The following TMTC2 variants were observed in gnomAD, a reference collection of about 807,000 sequenced individuals.
TMTC2 encodes transmembrane O-mannosyltransferase targeting cadherins 2, also known as protein O-mannosyl-transferase TMTC2.
A neutral mutation model predicts 82.4 loss-of-function variants in TMTC2; 43 were observed. The ratio of observed to expected loss-of-function variants is 0.52; its 90% CI spans 0.41 to 0.67. The LOEUF is 0.67. Ranked by LOEUF, TMTC2 falls within the 30% of genes least tolerant of loss-of-function variation. The pLI is 0.00. For missense variants in TMTC2, 919 were observed against 1,012.4 expected (o/e 0.91, Z 1.25); for synonymous variants, 408 against 381.9 (o/e 1.07, Z -0.80).
chr12:82,889,227 AG>A (rs143325259), intron 2 of TMTC2, among the ~76,000 whole-genome samples: 2,409 of 151,574 alleles, frequency 0.016, 71 homozygotes, highest in African/African-American at 0.055. Flanking sequence ...CAGTGAGCCG[AG>A]ATCGTACCAT....
chr12:83,115,033 C>T (rs764234093), intron 11 of TMTC2, among the ~76,000 whole-genome samples: 3 of 151,972 alleles, frequency 2.0e-5, no homozygotes, highest in Non-Finnish European at 2.9e-5. Context: ...CAAATTTCAA[C>T]GTATCTGTGA....
chr12:82,872,090 T>G (rs1482595088), intron 2 of TMTC2, among the ~76,000 whole-genome samples: 1 of 126,036 alleles, frequency 7.9e-6, no homozygotes, highest in Non-Finnish European at 1.6e-5. Context: ...ATAATTAGAA[T>G]ATTAGAGGAG....
chr12:83,087,143 C>T (rs556237850), intron 11 of TMTC2, among the ~76,000 whole-genome samples: 1 of 152,336 alleles, frequency 6.6e-6, no homozygotes, highest in South Asian at 2.1e-4. Context: ...GTGTTTACAG[C>T]ATCTTCCCCG....
chr12:82,696,937 C>T (rs1458762929), intron 1 of TMTC2, among the ~76,000 whole-genome samples: 1 of 146,778 alleles, frequency 6.8e-6, no homozygotes, highest in African/African-American at 2.5e-5. Context: ...GGCTTCTTGC[C>T]AGCTCTCTTT....
At chr12:82,814,382 G>C (rs894493111) in intron 1 of TMTC2, among the ~76,000 whole-genome samples, 38 of 152,222 alleles carry the variant, frequency 2.5e-4, no homozygotes, top group African/African-American at 8.7e-4. Context: ...AATACTATTC[G>C]TGTAGTTTGG....
intron 7 of TMTC2, 115 bp from the exon 8 acceptor site, chr12:82,985,810 T>C: frequency 1.5e-6 from 2 of 1,316,100 alleles, no homozygotes; most frequent in Non-Finnish European, 2.1e-6. Flanking sequence ...ATGAAAGTAC[T>C]TCCCACAGCA....
rs776775204 is a variant in TMTC2, at chr12:82,857,318, A to T, written c.392A>T (p.Glu131Val). ...LMFASHPIHT[E>V]AVAGIVGRAD... is the part of the protein sequence containing the mutation. ...TTTGCTTCTCACCCCATTCACACGG[A>T]GGCAGTGGCAGGAATCGTGGGACGA... The change falls in exon 2 of 12, where the codon GAG becomes GTG. Residue 131 changes from glutamate to valine, a missense_variant. By Grantham distance (121) the Glu-to-Val change is moderately radical. Transcript: ENST00000321196. 13 of 1,614,096 alleles carry T rather than the reference A, an allele frequency of 8.1e-6. No homozygotes were observed. Among genetic ancestry groups the T allele is most frequent in the Non-Finnish European group, 1.1e-5 (13 of 1,180,020 alleles).
At chr12:83,077,322 C>T (rs78763202) in intron 11 of TMTC2, among the ~76,000 whole-genome samples, 2,322 of 152,176 alleles carry the variant, frequency 0.015, 51 homozygotes, top group African/African-American at 0.051. Context: ...GAAGTGAAAC[C>T]AAGAGGAACC....
intron 1 of TMTC2, among the ~76,000 whole-genome samples, chr12:82,856,092 C>A (rs1871249616): frequency 6.6e-6 from 1 of 152,178 alleles, no homozygotes; most frequent in Non-Finnish European, 1.5e-5. Flanking sequence ...TAATATCTAC[C>A]TCATCAGTGT....
chr12:82,820,900 C>T (rs898312963), intron 1 of TMTC2, among the ~76,000 whole-genome samples: 1 of 152,134 alleles, frequency 6.6e-6, no homozygotes, highest in Non-Finnish European at 1.5e-5. Context: ...TTTTTACAGG[C>T]AAGGTCTCAC....
intron 1 of TMTC2, among the ~76,000 whole-genome samples, chr12:82,801,152 G>A (rs1878975462): frequency 6.6e-6 from 1 of 152,118 alleles, no homozygotes; most frequent in Non-Finnish European, 1.5e-5. Context: ...GATGAGAGAA[G>A]CTTCTGTGTC....
intron 11 of TMTC2, among the ~76,000 whole-genome samples, chr12:83,126,666 A>G (rs1297433377): frequency 2.0e-5 from 3 of 152,180 alleles, no homozygotes; most frequent in Admixed American, 6.5e-5. Flanking sequence ...GGATGTGAGT[A>G]TGTATATGGG....
intron 3 of TMTC2, among the ~76,000 whole-genome samples, chr12:82,898,587 A>T (rs1873796130): frequency 6.6e-6 from 1 of 152,198 alleles, no homozygotes; most frequent in Non-Finnish European, 1.5e-5. Context: ...GGTTCTCAGA[A>T]TCCAAGCTAT....
chr12:82,935,556 A>G (rs989683898), intron 4 of TMTC2, among the ~76,000 whole-genome samples: 3 of 152,190 alleles, frequency 2.0e-5, no homozygotes, highest in Non-Finnish European at 4.4e-5. Flanking sequence ...CCTCTTCGCT[A>G]CACCACTCAC....
intron 1 of TMTC2, among the ~76,000 whole-genome samples, chr12:82,739,852 T>C (rs937178708): frequency 6.7e-6 from 1 of 149,986 alleles, no homozygotes; most frequent in African/African-American, 2.5e-5. Context: ...TATTCTAGAG[T>C]TGACTATAGA....
intron 1 of TMTC2, among the ~76,000 whole-genome samples, chr12:82,711,273 C>G (rs1365474404): frequency 6.6e-6 from 1 of 152,140 alleles, no homozygotes; most frequent in African/African-American, 2.4e-5. Flanking sequence ...AATTATTTAA[C>G]AGAGGATCAC....
At chr12:82,902,033 G>C (rs1874046643) in intron 3 of TMTC2, among the ~76,000 whole-genome samples, 1 of 152,198 alleles carries the variant, frequency 6.6e-6, no homozygotes, top group African/African-American at 2.4e-5. Context: ...AGAAAGGCTA[G>C]AGGGGGCTGA....
intron 11 of TMTC2, among the ~76,000 whole-genome samples, chr12:83,081,991 T>A (rs751991408): frequency 7.2e-5 from 11 of 152,170 alleles, no homozygotes; most frequent in Non-Finnish European, 1.6e-4. Context: ...CTAAAAAAAA[T>A]TTAAATGGCT....
At chr12:82,970,719 C>T (rs543799866) in intron 7 of TMTC2, among the ~76,000 whole-genome samples, 1 of 152,322 alleles carries the variant, frequency 6.6e-6, no homozygotes, top group South Asian at 2.1e-4. Flanking sequence ...ACTTCATAGA[C>T]AAGATTTTTG....
Sources: allele counts gnomAD v4.1 joint callset (sites outside exome capture counted in the v4.1 genomes callset), GRCh38; gene constraint gnomAD v4.1.1; transcripts MANE v1.5; gene names NCBI Gene and HGNC (gene_info 2026-07-23, HGNC 2026-07-21).